Variants in TLCD3B observed in about 807,000 individuals in gnomAD.
The protein encoded by TLCD3B is ceramide synthase.
Under a neutral mutation model 23.0 loss-of-function variants are expected in TLCD3B, and 9 were observed. The observed-to-expected ratio is 0.39, with a 90% confidence interval of 0.24 to 0.68. The LOEUF (loss-of-function observed/expected upper bound fraction) is 0.68, where lower values mean the gene tolerates loss of function less well. TLCD3B is among the 30% of genes least tolerant of loss of function. The pLI, the probability that TLCD3B is intolerant of heterozygous loss-of-function variation, is 0.44. For synonymous variants in TLCD3B, 161 were observed against 161.0 expected, an observed-to-expected ratio of 1.00 and a Z score of 0.00; for missense variants, 307 against 371.8, an observed-to-expected ratio of 0.83 and a Z score of 1.43.
chr16:30,025,294 A>T lies in TLCD3B; in HGVS notation c.714T>A (p.Ala238=). 1.3e-6 allele frequency: 2 copies of T among 1,553,702 alleles called. No individual in the cohort carries two copies. The highest frequency in any genetic ancestry group is 8.7e-7 in the Non-Finnish European group (1 of 1,148,682). The change falls in exon 5 of 5, where the codon GCT becomes GCA. Residue 238 remains alanine (A), a synonymous_variant. Coordinates refer to ENST00000380495, the MANE Select transcript of TLCD3B (RefSeq NM_031478.6). This position sits in a 1 kb window ranked among gnomAD's most constrained non-coding sequence, Gnocchi z 4.1. ...LAIPAHVNLG[A]ALLLAPQLYW... ...AGAGCTGAGGGGCCAGGAGCAGCGC[A>T]GCGCCCAGGTTGACGTGGGCAGGGA...
At position 30,030,479 on chromosome 16, in the gene TLCD3B, G is replaced by A. The variant is rs2150983348; in HGVS notation, c.49C>T (p.Leu17Phe). Residue 17 changes from leucine (L) to phenylalanine (F), a missense_variant, in exon 1 of 5, where the codon CTC (leucine) becomes TTC (phenylalanine). Physicochemically the swap from Leu to Phe is conservative, Grantham distance 22. Coordinates refer to ENST00000380495, the MANE Select transcript of TLCD3B (RefSeq NM_031478.6). Reference sequence around the variant, plus strand: ...CGCTGGAGCGTGTTCTTGGAGAGGAGGAAGAGTCCGGGGAACACCACCCCC... The same window carrying A: ...CGCTGGAGCGTGTTCTTGGAGAGGAAGAAGAGTCCGGGGAACACCACCCCC... ...AGGVVFPGLFLLSKNTLQRLP... is the reference protein window; with the variant it reads ...AGGVVFPGLFFLSKNTLQRLP... The A allele has an allele frequency of 6.2e-7, 1 of 1,607,150 alleles. No individual in the cohort carries two copies. Among genetic ancestry groups the A allele is most frequent in the East Asian group, 2.2e-5 (1 of 44,640 alleles).
In TLCD3B at chr16:30,030,540, C is replaced by A; in HGVS notation, c.-13G>T. On this transcript the variant is annotated 5_prime_UTR_variant, in exon 1 of 5. Coordinates refer to ENST00000380495, the MANE Select transcript of TLCD3B (RefSeq NM_031478.6). The stretch of plus-strand genomic sequence containing the variant: ...TCGGGGTCAGCATGGTGGCTCAGGA[C>A]TTGGGCAGGGAGGCAGGCGGGCCGT... 1 of 1,567,830 alleles carries A rather than the reference C, an allele frequency of 6.4e-7. No homozygotes were observed. Among genetic ancestry groups the A allele is most frequent in the Non-Finnish European group, 8.6e-7 (1 of 1,161,312 alleles).
intron 1 of TLCD3B, among the ~76,000 whole-genome samples, chr16:30,051,286 C>A (rs1047188944): frequency 1.3e-5 from 2 of 151,890 alleles, no homozygotes; most frequent in Non-Finnish European, 2.9e-5. Context: ...GTAATCCCAG[C>A]ACTTTGGGAG....
At chr16:30,040,150 AT>A (rs1567308050) in intron 3 of TLCD3B, among the ~76,000 whole-genome samples, 55 of 117,224 alleles carry the variant, frequency 4.7e-4, no homozygotes, top group African/African-American at 1.3e-3. Context: ...AAAAAAAAAT[AT>A]ATATATATAT....
chr16:30,034,398 C>A (rs2071425258), upstream of TLCD3B, among the ~76,000 whole-genome samples: 1 of 141,266 alleles, frequency 7.1e-6, no homozygotes, highest in Non-Finnish European at 1.5e-5. Flanking sequence ...CATAGTGAGA[C>A]CCTGTCTCTA....
In TLCD3B at chr16:30,029,506, G is replaced by C; in HGVS notation, c.135C>G (p.Ser45=). 1 of 1,613,832 alleles carries C rather than the reference G, an allele frequency of 6.2e-7. No individual in the cohort carries two copies. Among genetic ancestry groups the C allele is most frequent in the Non-Finnish European group, 8.5e-7 (1 of 1,179,840 alleles). ...DAVIVSARLV[S]SVQAIMASTA... is the part of the protein sequence containing the mutation. ...TGGAGGCCATGATGGCCTGGACAGA[G>C]GACACCAGCCTGGGGGAGAGAGGGA... Residue 45 remains serine, a synonymous_variant, in exon 2 of 5, where the codon TCC becomes TCG. Transcript: ENST00000380495. The surrounding 1 kb of genome is among the most constrained non-coding windows in gnomAD (Gnocchi z 4.6).
At chr16:30,052,110 T>TA (rs1223082147) in intron 1 of TLCD3B, among the ~76,000 whole-genome samples, 1 of 152,160 alleles carries the variant, frequency 6.6e-6, no homozygotes, top group African/African-American at 2.4e-5. Flanking sequence ...CTCATGCCAG[T>TA]AATCCTAGCA....
rs755445839 is a variant in TLCD3B, at chr16:30,030,539, A to G, written c.-12T>C. 12 of 1,568,534 alleles carry G rather than the reference A, an allele frequency of 7.7e-6. No individual in the cohort carries two copies. On this transcript the variant is annotated 5_prime_UTR_variant, in exon 1 of 5. Coordinates refer to ENST00000380495, the MANE Select transcript of TLCD3B (RefSeq NM_031478.6). ...ATCGGGGTCAGCATGGTGGCTCAGGACTTGGGCAGGGAGGCAGGCGGGCCG... is the reference window on the plus strand; with the variant it reads ...ATCGGGGTCAGCATGGTGGCTCAGGGCTTGGGCAGGGAGGCAGGCGGGCCG...
intron 3 of TLCD3B, among the ~76,000 whole-genome samples, chr16:30,040,147 A>AAAAATATATATATATATAT: frequency 4.2e-5 from 4 of 95,902 alleles, no homozygotes; most frequent in African/African-American, 1.7e-4. Context: ...AAAAAAAAAA[A>AAAAATATATATATATATAT]ATATATATAT....
Position 30,024,587 on chromosome 16 carries a change from G to A in TLCD3B, c.*596C>T, listed in dbSNP as rs1022759146. 6 of 318,606 alleles carry A rather than the reference G, an allele frequency of 1.9e-5. No homozygotes were observed. Among genetic ancestry groups the A allele is most frequent in the African/African-American group, 6.4e-5 (3 of 47,000 alleles). 19.7% of individuals were successfully genotyped at this position (318,606 alleles called of 1,614,324 possible). A position where few individuals can be genotyped will look rare whatever the true frequency, so the allele number is the denominator to read the frequency against. On this transcript the variant is annotated 3_prime_UTR_variant, in exon 5 of 5. Transcript: ENST00000380495. ...CGATGGTGAGGGACTGGGCGCCCTC[G>A]CCTGCCCCCGGGGTTGTCAGCACTG...
intron 3 of TLCD3B, among the ~76,000 whole-genome samples, chr16:30,040,146 AAAT>A (rs1567307973): frequency 8.9e-6 from 1 of 112,570 alleles, no homozygotes; most frequent in African/African-American, 3.3e-5. Context: ...AAAAAAAAAA[AAAT>A]ATATATATAT....
At chr16:30,047,324 GT>G (rs2071689595) in intron 1 of TLCD3B, among the ~76,000 whole-genome samples, 1 of 151,656 alleles carries the variant, frequency 6.6e-6, no homozygotes, top group Non-Finnish European at 1.5e-5. Flanking sequence ...TTGGTTTTGG[GT>G]TTTTTTCTTT....
In TLCD3B at chr16:30,025,705, C is replaced by T; in HGVS notation, c.540+21G>A. ...CTGTGACCTCCCCATTGGGCTCCTG[C>T]ACCCTCCCATGCTCACTCACCTGGA... is the stretch of plus-strand genomic sequence containing the variant. On this transcript the variant is annotated intron_variant, in intron 4 of 4. Transcript: ENST00000380495. The surrounding 1 kb of genome is among the most constrained non-coding windows in gnomAD (Gnocchi z 4.1). 1 of 1,612,510 alleles carries T rather than the reference C, an allele frequency of 6.2e-7. No homozygotes were observed. Among genetic ancestry groups the T allele is most frequent in the African/African-American group, 1.3e-5 (1 of 75,032 alleles).
chr16:30,025,192 G>T lies in TLCD3B; in HGVS notation c.816C>A (p.Ala272=). 1 of 1,473,178 alleles carries T rather than the reference G, an allele frequency of 6.8e-7. No individual in the cohort carries two copies. Among genetic ancestry groups the T allele is most frequent in the Non-Finnish European group, 8.9e-7 (1 of 1,117,734 alleles). 91.3% of individuals were successfully genotyped at this position (1,473,178 alleles called of 1,614,324 possible). A position where few individuals can be genotyped will look rare whatever the true frequency, so the allele number is the denominator to read the frequency against. The change falls in exon 5 of 5, where the codon GCC becomes GCA. Residue 272 remains alanine (A), a synonymous_variant. Coordinates refer to ENST00000380495, the MANE Select transcript of TLCD3B (RefSeq NM_031478.6). This position sits in a 1 kb window ranked among gnomAD's most constrained non-coding sequence, Gnocchi z 4.1. Reference sequence around the variant, plus strand: ...GTCCCGGCCCCCGGCCTCAGTCCTGGGCCTGGCAGGCCGGGGGCGGCCGGG... The same window carrying T: ...GTCCCGGCCCCCGGCCTCAGTCCTGTGCCTGGCAGGCCGGGGGCGGCCGGG... ...PRSRPPPACQ[A]QD is the part of the protein sequence containing the mutation.
chr16:30,025,635 A>T lies in TLCD3B; in HGVS notation c.540+91T>A. On this transcript the variant is annotated intron_variant, in intron 4 of 4. Transcript: ENST00000380495. The surrounding 1 kb of genome is among the most constrained non-coding windows in gnomAD (Gnocchi z 4.1). ...GCACGGGGTGAGGGGGGGATGACGA[A>T]GGGGCTAGAGCCCTTGGCAGCAACC... is the stretch of plus-strand genomic sequence containing the variant. The T allele has an allele frequency of 6.7e-7, 1 of 1,488,750 alleles. No homozygotes were observed. 92.2% of individuals were successfully genotyped at this position (1,488,750 alleles called of 1,614,324 possible).
At chr16:30,039,284 T>C (rs147553474) in intron 3 of TLCD3B, among the ~76,000 whole-genome samples, 5,293 of 151,856 alleles carry the variant, frequency 0.035, 132 homozygotes, top group Non-Finnish European at 0.054. Flanking sequence ...CCACCACGCC[T>C]GGCTAATTTT....
intron 3 of TLCD3B, among the ~76,000 whole-genome samples, chr16:30,037,339 G>A (rs1290669912): frequency 6.6e-6 from 1 of 151,644 alleles, no homozygotes; most frequent in Admixed American, 6.6e-5. Context: ...TCAGGAGATC[G>A]AGACCATCCT....
upstream of TLCD3B, among the ~76,000 whole-genome samples, chr16:30,034,921 T>C (rs907159754): frequency 5.3e-5 from 8 of 151,382 alleles, no homozygotes; most frequent in South Asian, 8.4e-4. Context: ...TTTTCTTTTT[T>C]TTTTTTTTGA....
rs1567300390 is a variant in TLCD3B, at chr16:30,029,321, A to G, written c.209+111T>C. 1 of 930,664 alleles carries G rather than the reference A, an allele frequency of 1.1e-6. No individual in the cohort carries two copies. The highest frequency in any genetic ancestry group is 2.0e-5 in the Admixed American group (1 of 49,616). 57.7% of individuals were successfully genotyped at this position (930,664 alleles called of 1,614,324 possible). On this transcript the variant is annotated intron_variant, in intron 2 of 4. Transcript: ENST00000380495. The surrounding 1 kb of genome is among the most constrained non-coding windows in gnomAD (Gnocchi z 4.6). ...CAGTTAACTTGCTCAGGCCCAAGTTAAGGGCTTGGGGACCACAGACAGAGT... is the reference window on the plus strand; with the variant it reads ...CAGTTAACTTGCTCAGGCCCAAGTTGAGGGCTTGGGGACCACAGACAGAGT...
Sources: gnomAD v4.1 joint callset for allele counts (sites outside exome capture counted in the v4.1 genomes callset) on GRCh38, gnomAD v4.1.1 for gene constraint, Gnocchi (gnomAD v3.1) non-coding constraint, MANE v1.5 for transcripts, NCBI Gene and HGNC (gene_info 2026-07-23, HGNC 2026-07-21) for gene names.